The following SCPEP1 variants were observed in gnomAD, a reference collection of about 807,000 sequenced individuals.
The protein encoded by SCPEP1 is serine carboxypeptidase 1.
SCPEP1 carries 51 observed loss-of-function variants against 63.8 expected under a neutral mutation model. That is an observed-to-expected ratio of 0.80 (90% confidence interval 0.64 to 1.01). The LOEUF is 1.01. Ranked by LOEUF, SCPEP1 falls within the 50% of genes least tolerant of loss-of-function variation. The pLI, the probability that SCPEP1 is intolerant of heterozygous loss-of-function variation, is 0.00. For missense variants in SCPEP1, 499 were observed against 554.9 expected, an observed-to-expected ratio of 0.90 and a Z score of 1.01; for synonymous variants, 204 against 207.8, an observed-to-expected ratio of 0.98 and a Z score of 0.16.
rs756148021 is a variant in SCPEP1, at chr17:56,995,638, A to G, written c.786+3A>G. 1.9e-6 allele frequency: 3 copies of G among 1,613,316 alleles called. No homozygotes were observed. Among genetic ancestry groups the G allele is most frequent in the Non-Finnish European group, 8.5e-7 (1 of 1,179,680 alleles). ...AAGCAGAAATGATCATTGAACAGGT[A>G]AAAAGGGGAAACACTCAGAGGCGAG... On this transcript the variant is annotated splice_donor_region_variant and intron_variant, in intron 8 of 12. Coordinates refer to ENST00000262288, the MANE Select transcript of SCPEP1 (RefSeq NM_021626.3).
chr17:56,981,845 T>C (rs1038426232), intron 2 of SCPEP1, among the ~76,000 whole-genome samples: 1 of 152,002 alleles, frequency 6.6e-6, no homozygotes, highest in African/African-American at 2.4e-5. Flanking sequence ...AAAGAAAGTG[T>C]TATGGAAGGT....
intron 6 of SCPEP1, 86 bp from the exon 7 acceptor site, chr17:56,994,895 T>C: frequency 8.0e-7 from 1 of 1,252,564 alleles, no homozygotes; most frequent in South Asian, 1.2e-5. Context: ...TCTGTCTCTT[T>C]CTTCTTTAGA....
intron 9 of SCPEP1, 142 bp from the exon 10 acceptor site, chr17:56,998,243 G>A (rs548434539): frequency 7.6e-4 from 420 of 555,956 alleles, no homozygotes; most frequent in Non-Finnish European, 1.1e-3. Flanking sequence ...CCCAGGAGGC[G>A]GAGGTTTCAG....
In SCPEP1 at chr17:56,980,988, C is replaced by A. The variant is rs1362274784; in HGVS notation, c.77-94C>A. The A allele has an allele frequency of 1.2e-5, 17 of 1,400,352 alleles. No individual in the cohort carries two copies. In the East Asian group the frequency reaches 1.4e-4, roughly 12 times the overall value. The allele number at this position is 1,400,352 out of a possible 1,614,324, so 86.7% of individuals were successfully genotyped here. A position where few individuals can be genotyped will look rare whatever the true frequency, so the allele number is the denominator to read the frequency against. ...TAAATTACCAAACTATAAAACAAAT[C>A]ATCTCTAGCCTAGCATGGCTGTCTC... On this transcript the variant is annotated intron_variant, in intron 1 of 12. Transcript: ENST00000262288.
intron 8 of SCPEP1, among the ~76,000 whole-genome samples, chr17:56,996,692 G>C (rs1411925143): frequency 6.7e-6 from 1 of 150,202 alleles, no homozygotes; most frequent in Non-Finnish European, 1.5e-5. Context: ...GCTGATTTTT[G>C]TGTTTTCAGT....
At position 57,000,867 on chromosome 17, in the gene SCPEP1, A is replaced by G. The variant is rs770827729; in HGVS notation, c.1007A>G (p.Asn336Ser). ...TCCCCATGTGCAGGCCAGGCTACCA[A>G]CGTCTTTGTGAACATGGAGGAGGAC... ...EDQSWGGQAT[N>S]VFVNMEEDFM... Residue 336 changes from asparagine (N) to serine (S), a missense_variant, in exon 11 of 13, where the codon AAC (asparagine) becomes AGC (serine). Physicochemically the swap from Asn to Ser is conservative, Grantham distance 46 (BLOSUM62 1). Transcript: ENST00000262288. The G allele has an allele frequency of 2.5e-6, 4 of 1,614,022 alleles. No homozygotes were observed. The highest frequency in any genetic ancestry group is 8.5e-7 in the Non-Finnish European group (1 of 1,180,044).
At chr17:56,981,714 C>T (rs1257598470) in intron 2 of SCPEP1, among the ~76,000 whole-genome samples, 2 of 152,150 alleles carry the variant, frequency 1.3e-5, no homozygotes, top group African/African-American at 4.8e-5. Flanking sequence ...CCCAGCTACT[C>T]AGATGGTTGA....
chr17:56,985,867 C>A (rs1911200268), intron 3 of SCPEP1, among the ~76,000 whole-genome samples: 1 of 152,050 alleles, frequency 6.6e-6, no homozygotes, highest in Non-Finnish European at 1.5e-5. Context: ...CTTCCCCTTT[C>A]AATGTCTCTC....
rs745798326 is a variant in SCPEP1, at chr17:57,000,989, A to G, written c.1129A>G (p.Met377Val). The G allele has an allele frequency of 5.0e-6, 8 of 1,614,156 alleles. No individual in the cohort carries two copies. Among genetic ancestry groups the G allele is most frequent in the South Asian group, 1.1e-5 (1 of 91,082 alleles). The change falls in exon 11 of 13, where the codon ATG (methionine) becomes GTG (valine). Residue 377 changes from methionine (M) to valine (V), a missense_variant. Physicochemically the swap from Met to Val is conservative, Grantham distance 21. Transcript: ENST00000262288. Reference protein sequence around the residue: ...NGQLDLIVDTMGQEAWVRKLK... With the variant: ...NGQLDLIVDTVGQEAWVRKLK... ...ACAGCTGGATCTCATCGTAGATACC[A>G]TGGGTAGGAATTGACTCTGAGAGGC...
intron 12 of SCPEP1, among the ~76,000 whole-genome samples, chr17:57,005,765 C>G (rs1347848514): frequency 6.6e-6 from 1 of 152,212 alleles, no homozygotes; most frequent in East Asian, 1.9e-4. Flanking sequence ...GCTGTGAGCT[C>G]CCTTCTCAGC....
At chr17:56,997,255 A>G in intron 9 of SCPEP1, 200 bp downstream of exon 9, 3 of 420,942 alleles carry the variant, frequency 7.1e-6, no homozygotes, top group Non-Finnish European at 8.4e-6. Context: ...TGTCACCCCA[A>G]GGAGATCCCA....
Position 56,981,189 on chromosome 17 carries a change from T to C in SCPEP1, c.184T>C (p.Cys62Arg). The C allele has an allele frequency of 6.2e-7, 1 of 1,614,202 alleles. No homozygotes were observed. The highest frequency in any genetic ancestry group is 1.1e-5 in the South Asian group (1 of 91,086). ...FWWLYYATNS[C>R]KNFSELPLVM... ...GTGGCTCTATTATGCCACCAACTCC[T>C]GCAAGAACTTCTCAGAACTGCCCCT... The change falls in exon 2 of 13, where the codon TGC becomes CGC. Residue 62 changes from cysteine (C) to arginine (R), a missense_variant. Coordinates refer to ENST00000262288, the MANE Select transcript of SCPEP1 (RefSeq NM_021626.3).
Position 57,000,983 on chromosome 17 carries a change from G to A in SCPEP1, c.1123G>A (p.Asp375Asn). The stretch of plus-strand genomic sequence containing the variant: ...TAATGGACAGCTGGATCTCATCGTA[G>A]ATACCATGGGTAGGAATTGACTCTG... ...VYNGQLDLIVDTMGQEAWVRK... is the reference protein window; with the variant it reads ...VYNGQLDLIVNTMGQEAWVRK... The change falls in exon 11 of 13, where the codon GAT (aspartate) becomes AAT (asparagine). Residue 375 changes from aspartate to asparagine, a missense_variant. Physicochemically the swap from Asp to Asn is conservative, Grantham distance 23 (BLOSUM62 1). Coordinates refer to ENST00000262288, the MANE Select transcript of SCPEP1 (RefSeq NM_021626.3). 6.2e-7 allele frequency: 1 copy of A among 1,614,194 alleles called. No individual in the cohort carries two copies.
At chr17:56,996,696 T>C (rs1190758694) in intron 8 of SCPEP1, among the ~76,000 whole-genome samples, 2 of 150,934 alleles carry the variant, frequency 1.3e-5, no homozygotes, top group Non-Finnish European at 2.9e-5. Context: ...ATTTTTGTGT[T>C]TTCAGTAGAG....
chr17:56,982,950 G>A (rs1484019698), intron 2 of SCPEP1: 1 of 152,010 alleles, frequency 6.6e-6, no homozygotes, highest in Non-Finnish European at 1.5e-5. Flanking sequence ...ATCTATTTTA[G>A]CAGCCTACTG....
At chr17:56,990,963 G>C (rs1911377265) in intron 5 of SCPEP1, 136 bp from the exon 6 acceptor site, 1 of 733,418 alleles carries the variant, frequency 1.4e-6, no homozygotes, top group Admixed American at 1.9e-5. Context: ...TAGAGATGGG[G>C]GTCTCACTAC....
chr17:56,995,728 C>A, intron 8 of SCPEP1, 93 bp downstream of exon 8: 1 of 1,332,688 alleles, frequency 7.5e-7, no homozygotes, highest in Non-Finnish European at 1.0e-6. Flanking sequence ...GGAGTCTACA[C>A]TGAGGCTCCC....
chr17:57,003,912 A>T (rs1911811905), intron 12 of SCPEP1, among the ~76,000 whole-genome samples: 1 of 152,122 alleles, frequency 6.6e-6, no homozygotes, highest in Admixed American at 6.6e-5. Flanking sequence ...AAGACACTTA[A>T]TCTAGGCTGG....
At chr17:56,992,496 A>T (rs1911430002) in intron 6 of SCPEP1, among the ~76,000 whole-genome samples, 1 of 152,232 alleles carries the variant, frequency 6.6e-6, no homozygotes, top group African/African-American at 2.4e-5. Flanking sequence ...CTTGCAACCC[A>T]GAGGTGTGCT....
Sources: gnomAD v4.1 joint callset for allele counts (sites outside exome capture counted in the v4.1 genomes callset) on GRCh38, gnomAD v4.1.1 for gene constraint, MANE v1.5 for transcripts, NCBI Gene and HGNC (gene_info 2026-07-23, HGNC 2026-07-21) for gene names.